Variants in ABCC4 observed in about 807,000 individuals in gnomAD.
The protein encoded by ABCC4 is ATP binding cassette subfamily C member 4 (PEL blood group).
Under a neutral mutation model 168.5 loss-of-function variants are expected in ABCC4, and 102 were observed. That is an observed-to-expected ratio of 0.61 (90% CI 0.52 to 0.71). ABCC4 has a LOEUF of 0.71. Ranked by LOEUF, ABCC4 falls within the 30% of genes least tolerant of loss-of-function variation. The probability of loss-of-function intolerance (pLI) is 0.00; values close to 1 mark genes in which losing one functional copy is unlikely to be tolerated. For synonymous variants in ABCC4, 617 were observed against 590.7 expected (o/e 1.04, Z -0.65); for missense variants, 1,402 against 1,605.8 (o/e 0.87, Z 2.17).
intron 25 of ABCC4, among the ~76,000 whole-genome samples, chr13:95,064,228 G>T (rs2033407392): frequency 7.0e-6 from 1 of 142,840 alleles, no homozygotes; most frequent in African/African-American, 2.6e-5. Flanking sequence ...GCCATTTTCT[G>T]CACATAGGTA....
chr13:95,277,987 C>T (rs933756516), intron 1 of ABCC4, among the ~76,000 whole-genome samples: 9 of 152,162 alleles, frequency 5.9e-5, no homozygotes, highest in African/African-American at 1.7e-4. Context: ...GAACAACAGC[C>T]AGGACAGTCA....
chr13:95,080,702 A>AC (rs913937909), intron 21 of ABCC4, among the ~76,000 whole-genome samples: 13 of 152,226 alleles, frequency 8.5e-5, no homozygotes, highest in African/African-American at 3.1e-4. Context: ...CGAACTCTCG[A>AC]CCTCAAGTGA....
intron 19 of ABCC4, among the ~76,000 whole-genome samples, chr13:95,153,510 G>A (rs1469228110): frequency 2.6e-5 from 4 of 152,122 alleles, no homozygotes. Context: ...ATACATGCAG[G>A]TATCACATTA....
intron 19 of ABCC4, among the ~76,000 whole-genome samples, chr13:95,136,955 AG>A (rs2036161788): frequency 6.6e-6 from 1 of 152,252 alleles, no homozygotes; most frequent in Non-Finnish European, 1.5e-5. Flanking sequence ...GAGTTGGGCC[AG>A]GGATAGAGTA....
In ABCC4 at chr13:95,202,644, C is replaced by CTTTTTTT. The variant is rs10603210; in HGVS notation, c.1161+3881_1161+3887dup. Among the ~76,000 whole-genome samples, 19 of 93,062 alleles carry CTTTTTTT rather than the reference C, an allele frequency of 2.0e-4. 1 individual carries two copies. Among genetic ancestry groups the CTTTTTTT allele is most frequent in the South Asian group, 3.9e-4 (1 of 2,586 alleles). The allele number at this position is 93,062 out of a possible 152,430, so 61.1% of individuals were successfully genotyped here. On this transcript the variant is annotated intron_variant, in intron 8 of 30. Transcript: ENST00000645237. ...GTGCATGTGGGGATAAGAATGTGCA[C>CTTTTTTT]TTTTTTTTTTTTTTTTTTTTTTTGA... is the stretch of plus-strand genomic sequence containing the variant.
chr13:95,206,622 C>T lies in ABCC4; in HGVS notation c.1071G>A (p.Leu357=), dbSNP rs912519606. The change falls in exon 8 of 31, where the codon CTG becomes CTA. Residue 357 remains leucine (L), a synonymous_variant. Coordinates refer to ENST00000645237, the MANE Select transcript of ABCC4 (RefSeq NM_005845.5). ...TASRVFVAVT[L]YGAVRLTVTL... ...TAACCGTCAGCCGCACAGCCCCATA[C>T]AGCGTCACTGCCACGAACACGCGGC... 1.2e-6 allele frequency: 2 copies of T among 1,614,064 alleles called. No homozygotes were observed. The highest frequency in any genetic ancestry group is 2.2e-5 in the South Asian group (2 of 91,086).
chr13:95,040,431 A>C (rs944354652), intron 29 of ABCC4, among the ~76,000 whole-genome samples: 4 of 151,968 alleles, frequency 2.6e-5, no homozygotes, highest in African/African-American at 7.3e-5. Context: ...ACAGGGTTTC[A>C]CCATGTTGGC....
intron 1 of ABCC4, among the ~76,000 whole-genome samples, chr13:95,288,734 A>T (rs1446665016): frequency 6.6e-6 from 1 of 152,084 alleles, no homozygotes; most frequent in Non-Finnish European, 1.5e-5. Context: ...TGAACCCAGA[A>T]GGTGGAGGTT....
chr13:95,073,537 T>C (rs1210060371), intron 23 of ABCC4: 2 of 341,664 alleles, frequency 5.9e-6, no homozygotes, highest in African/African-American at 2.1e-5. Flanking sequence ...AGGATCGACA[T>C]AGATTTAATT....
At chr13:95,288,306 A>C (rs1427344552) in intron 1 of ABCC4, among the ~76,000 whole-genome samples, 1 of 152,160 alleles carries the variant, frequency 6.6e-6, no homozygotes, top group Non-Finnish European at 1.5e-5. Flanking sequence ...TAAATTCAAG[A>C]AATTGAGATT....
At chr13:95,250,776 T>C (rs1473843097) in intron 1 of ABCC4, among the ~76,000 whole-genome samples, 2 of 144,080 alleles carry the variant, frequency 1.4e-5, no homozygotes, top group Non-Finnish European at 3.0e-5. Context: ...TTTTTTTTTT[T>C]TTTTTTGAGA....
intron 20 of ABCC4, among the ~76,000 whole-genome samples, chr13:95,110,985 G>GA (rs35464540): frequency 1.4e-3 from 168 of 123,270 alleles, no homozygotes; most frequent in South Asian, 3.2e-3. Flanking sequence ...AAAAAAGAAA[G>GA]AAAAAAAAAA....
intron 13 of ABCC4, among the ~76,000 whole-genome samples, chr13:95,171,574 A>G (rs1290768364): frequency 1.2e-4 from 18 of 149,634 alleles, no homozygotes; most frequent in East Asian, 9.7e-4. Flanking sequence ...AAAAAGGAGA[A>G]AAAAAAAAAA....
chr13:95,212,734 TA>T (rs59391844), intron 4 of ABCC4, among the ~76,000 whole-genome samples: 6,596 of 152,230 alleles, frequency 0.043, 453 homozygotes, highest in African/African-American at 0.15. Flanking sequence ...AAGTGAACGA[TA>T]ACTCTACAGT....
chr13:95,057,460 G>A (rs2033107183), intron 26 of ABCC4, among the ~76,000 whole-genome samples: 1 of 152,104 alleles, frequency 6.6e-6, no homozygotes, highest in Non-Finnish European at 1.5e-5. Flanking sequence ...TAATGGTCTT[G>A]ATCTCTTGAC....
Position 95,218,993 on chromosome 13 carries a change from AAG to A in ABCC4, c.532-8214_532-8213del, listed in dbSNP as rs1566540054. On this transcript the variant is annotated intron_variant, in intron 4 of 30. Transcript: ENST00000645237. The stretch of plus-strand genomic sequence containing the variant: ...AGAAAGAAAGAAAGAAAGAGTGAGA[AAG>A]AAAGAAAGAGTGAGAAAGAAAGGAA... Among the ~76,000 whole-genome samples the A allele has an allele frequency of 3.5e-3, 258 of 74,142 alleles. 20 individuals are homozygous for A. The highest frequency in any genetic ancestry group is 0.012 in the African/African-American group (230 of 19,508). 48.6% of individuals were successfully genotyped at this position (74,142 alleles called of 152,430 possible). A position where few individuals can be genotyped will look rare whatever the true frequency, so the allele number is the denominator to read the frequency against.
chr13:95,288,908 T>C (rs567669054), intron 1 of ABCC4, among the ~76,000 whole-genome samples: 33 of 152,338 alleles, frequency 2.2e-4, no homozygotes, highest in East Asian at 1.3e-3. Flanking sequence ...GTTGAACAAA[T>C]TGTGTCGCTT....
intron 25 of ABCC4, among the ~76,000 whole-genome samples, chr13:95,071,297 T>A (rs967272957): frequency 2.6e-5 from 4 of 152,088 alleles, no homozygotes; most frequent in African/African-American, 9.7e-5. Flanking sequence ...GAACAGAAGC[T>A]GCAGCAGTGG....
chr13:95,054,694 A>C (rs1226360255), intron 26 of ABCC4, among the ~76,000 whole-genome samples: 1 of 152,200 alleles, frequency 6.6e-6, no homozygotes, highest in African/African-American at 2.4e-5. Flanking sequence ...GAACAAGAGA[A>C]GGTGAGACTC....
Sources: gnomAD v4.1 joint callset for allele counts (sites outside exome capture counted in the v4.1 genomes callset) on GRCh38, gnomAD v4.1.1 for gene constraint, MANE v1.5 for transcripts, NCBI Gene and HGNC (gene_info 2026-07-23, HGNC 2026-07-21) for gene names.